The following SYNPO variants were observed in gnomAD, a reference collection of about 807,000 sequenced individuals.
SYNPO encodes synaptopodin.
A neutral mutation model predicts 49.5 loss-of-function variants in SYNPO; 19 were observed. That is an observed-to-expected ratio of 0.38 (90% CI 0.27 to 0.56). The LOEUF (loss-of-function observed/expected upper bound fraction) is 0.56, where lower values mean the gene tolerates loss of function less well. SYNPO is among the 20% of genes least tolerant of loss of function. The probability of loss-of-function intolerance (pLI) is 0.68; values close to 1 mark genes in which losing one functional copy is unlikely to be tolerated. For missense variants in SYNPO, 1,131 were observed against 1,248.3 expected, an observed-to-expected ratio of 0.91 and a Z score of 1.42; for synonymous variants, 536 against 548.0, an observed-to-expected ratio of 0.98 and a Z score of 0.31.
intron 2 of SYNPO, 164 bp downstream of exon 2, chr5:150,650,467 A>T: frequency 6.6e-7 from 1 of 1,515,190 alleles, no homozygotes; most frequent in Non-Finnish European, 8.9e-7. Context: ...AGATGCGGCC[A>T]CCAGCTGGCT....
intron 1 of SYNPO, among the ~76,000 whole-genome samples, chr5:150,642,676 G>C (rs565059282): frequency 3.9e-5 from 6 of 152,334 alleles, no homozygotes; most frequent in Non-Finnish European, 7.4e-5. Context: ...CCCCAGCTTT[G>C]TTTGTGAAGG....
At chr5:150,631,562 G>A (rs1267279834) in intron 2 of SYNPO, among the ~76,000 whole-genome samples, 1 of 152,218 alleles carries the variant, frequency 6.6e-6, no homozygotes, top group African/African-American at 2.4e-5. Context: ...GGTCAGGGCA[G>A]TGGGGCTGGT....
At chr5:150,622,029 G>T (rs1455840749) in intron 2 of SYNPO, among the ~76,000 whole-genome samples, 1 of 152,208 alleles carries the variant, frequency 6.6e-6, no homozygotes, top group African/African-American at 2.4e-5. Context: ...GCCAGAGATG[G>T]CAAGTGACTT....
At chr5:150,614,165 G>A (rs1013335932) in intron 1 of SYNPO, among the ~76,000 whole-genome samples, 1 of 152,232 alleles carries the variant, frequency 6.6e-6, no homozygotes, top group African/African-American at 2.4e-5. Context: ...AGTGGATCGT[G>A]TTTTAAGCCT....
At chr5:150,608,069 C>T (rs1370783340) in intron 1 of SYNPO, among the ~76,000 whole-genome samples, 1 of 152,220 alleles carries the variant, frequency 6.6e-6, no homozygotes, top group Admixed American at 6.5e-5. Flanking sequence ...TCGAGGCACT[C>T]GCTGTGGTAT....
chr5:150,618,819 C>A, intron 2 of SYNPO: 1 of 1,547,710 alleles, frequency 6.5e-7, no homozygotes, highest in Admixed American at 2.0e-5. Context: ...GGAGACCCCC[C>A]AGGTCCTTAG....
chr5:150,592,759 G>A, the SYNPO span, among the ~76,000 whole-genome samples: 1 of 152,236 alleles, frequency 6.6e-6, no homozygotes, highest in East Asian at 1.9e-4. Flanking sequence ...TTGTGTTCGA[G>A]TGACTGTGGT....
chr5:150,635,772 C>T (rs1757695904), upstream of SYNPO, among the ~76,000 whole-genome samples: 1 of 152,204 alleles, frequency 6.6e-6, no homozygotes, highest in Non-Finnish European at 1.5e-5. Context: ...CCACACTTTT[C>T]TTATTCGTGT....
chr5:150,586,359 C>T, the SYNPO span, among the ~76,000 whole-genome samples: 21 of 152,332 alleles, frequency 1.4e-4, no homozygotes, highest in South Asian at 4.3e-3. Flanking sequence ...ACTTCAATCT[C>T]CCTCTCCTTG....
At chr5:150,618,124 A>G (rs559497422) in exon 2 of SYNPO, 54 of 474,164 alleles carry the variant, frequency 1.1e-4, no homozygotes, top group Non-Finnish European at 1.6e-4. Flanking sequence ...GCGGCCTCAC[A>G]CCAGAGACGG....
chr5:150,653,525 T>A (rs1265087374), intron 2 of SYNPO: 1 of 152,314 alleles, frequency 6.6e-6, no homozygotes, highest in Non-Finnish European at 1.5e-5. Flanking sequence ...GGTTATTGAC[T>A]GGCTTGGGTC....
At chr5:150,627,509 C>G (rs1396357245) in intron 2 of SYNPO, among the ~76,000 whole-genome samples, 1 of 152,116 alleles carries the variant, frequency 6.6e-6, no homozygotes, top group East Asian at 1.9e-4. Flanking sequence ...ACAGACAGGC[C>G]CCTGCCCTCA....
upstream of SYNPO, chr5:150,601,016 C>G (rs964495027): frequency 9.2e-5 from 14 of 152,314 alleles, no homozygotes; most frequent in East Asian, 2.5e-3. Flanking sequence ...CGCCCCCTCC[C>G]CTCCCTCCCG....
chr5:150,598,994 T>C (rs1382200651), upstream of SYNPO, among the ~76,000 whole-genome samples: 2 of 152,108 alleles, frequency 1.3e-5, no homozygotes, highest in African/African-American at 4.8e-5. Flanking sequence ...ATTGCAAGGG[T>C]GACGACAAGG....
rs1758313508 is a variant in SYNPO at position 150,650,163 on chromosome 5, G to A, written c.1888G>A (p.Asp630Asn). Residue 630 changes from aspartate to asparagine, a missense_variant, in exon 2 of 3, where the codon GAC (aspartate) becomes AAC (asparagine). Transcript: ENST00000307662. ...GGGCCTCTACACCTCCCCCGGCCAG[G>A]ACAGCCTGCAGCCCACTGCCGTGAG... Reference protein sequence around the residue: ...SPGLYTSPGQDSLQPTAVSPP... With the variant: ...SPGLYTSPGQNSLQPTAVSPP... The A allele has an allele frequency of 6.2e-7, 1 of 1,613,878 alleles. No homozygotes were observed. Among genetic ancestry groups the A allele is most frequent in the Non-Finnish European group, 8.5e-7 (1 of 1,179,978 alleles).
chr5:150,655,493 A>G (rs1489433220), intron 2 of SYNPO, among the ~76,000 whole-genome samples: 2 of 152,190 alleles, frequency 1.3e-5, no homozygotes, highest in African/African-American at 4.8e-5. Context: ...TCCCTAAGTC[A>G]TGGGGAAACC....
chr5:150,612,853 C>G (rs549951805), intron 1 of SYNPO, among the ~76,000 whole-genome samples: 1 of 152,308 alleles, frequency 6.6e-6, no homozygotes, highest in East Asian at 1.9e-4. Context: ...AATCATGGCT[C>G]ACTGCAGCCT....
At chr5:150,618,119 C>T in exon 2 of SYNPO, 1 of 453,910 alleles carries the variant, frequency 2.2e-6, no homozygotes, top group Non-Finnish European at 3.8e-6. Context: ...CCAAAGCGGC[C>T]TCACACCAGA....
upstream of SYNPO, among the ~76,000 whole-genome samples, chr5:150,598,255 G>A (rs1175761075): frequency 3.9e-5 from 6 of 152,150 alleles, no homozygotes; most frequent in African/African-American, 1.2e-4. Context: ...GAACAAGCAC[G>A]GTGCTCAGCC....
Sources: allele counts gnomAD v4.1 joint callset (sites outside exome capture counted in the v4.1 genomes callset), GRCh38; gene constraint gnomAD v4.1.1; transcripts MANE v1.5; gene names NCBI Gene and HGNC (gene_info 2026-07-23, HGNC 2026-07-21).